Variants in L1CAM observed in about 807,000 individuals in gnomAD.
The protein encoded by L1CAM is L1 cell adhesion molecule.
Under a neutral mutation model 93.0 loss-of-function variants are expected in L1CAM, and 8 were observed. The observed-to-expected ratio is 0.09, with a 90% CI of 0.05 to 0.16. L1CAM has a LOEUF of 0.16. Among genes scored for constraint, L1CAM ranks in the 10% least tolerant of loss-of-function variants. The probability of loss-of-function intolerance (pLI) is 1.00; values close to 1 mark genes in which losing one functional copy is unlikely to be tolerated. For synonymous variants in L1CAM, 453 were observed against 453.0 expected (o/e 1.00, Z 0.00); for missense variants, 777 against 1,073.4 (o/e 0.72, Z 3.86).
rs1302080244 is a variant in L1CAM at position 153,870,620 on chromosome X, G to C, written c.695-121C>G. On this transcript the variant is annotated intron_variant, in intron 7 of 28. Coordinates refer to ENST00000370060, the MANE Select transcript of L1CAM (RefSeq NM_001278116.2). Reference sequence around the variant, plus strand: ...CCTCTGTGTCTTCCTCCATTAAGGAGAGTGTCCTGTCTCTGCTCTCGACGC... The same window carrying C: ...CCTCTGTGTCTTCCTCCATTAAGGACAGTGTCCTGTCTCTGCTCTCGACGC... 1.2e-5 allele frequency: 9 copies of C among 774,523 alleles called. No homozygotes were observed. The African/African-American group carries it at 1.9e-4, about 16-fold the overall frequency. 63.8% of individuals were successfully genotyped at this position (774,523 alleles called of 1,213,427 possible). A position where few individuals can be genotyped will look rare whatever the true frequency, so the allele number is the denominator to read the frequency against.
At chrX:153,880,709 A>C (rs1557095551) in intron 1 of L1CAM, 1 of 338,377 alleles carries the variant, frequency 3.0e-6, no homozygotes, top group South Asian at 2.6e-5. Flanking sequence ...ATGCAGCCCA[A>C]GTCCCAGAGG....
chrX:153,864,536 C>T (rs2064693878), intron 24 of L1CAM, 49 bp downstream of exon 24: 2 of 1,205,908 alleles, frequency 1.7e-6, no homozygotes, highest in Admixed American at 4.4e-5. Flanking sequence ...ACCCCTCTGG[C>T]CCAGAGCCCC....
In L1CAM at chrX:153,864,607, A is replaced by G; in HGVS notation, c.3144T>C (p.His1048=). The G allele has an allele frequency of 8.3e-7, 1 of 1,210,640 alleles. No homozygotes were observed. The highest frequency in any genetic ancestry group is 1.1e-6 in the Non-Finnish European group (1 of 894,850). The change falls in exon 24 of 29, where the codon CAT becomes CAC. Residue 1048 remains histidine, a synonymous_variant. Transcript: ENST00000370060. ...PKEGQCNFRF[H]ILFKALGEEK... ...TACCTCCCAAGGCTTTGAACAAGAT[A>G]TGGAACCTGAAGTTGCACTGGCCCT...
Position 153,865,830 on chromosome X carries a change from C to A in L1CAM, c.2432-11G>T, listed in dbSNP as rs2064708359. 3 of 1,141,198 alleles carry A rather than the reference C, an allele frequency of 2.6e-6. No homozygotes were observed. The East Asian group carries it at 8.9e-5, about 34-fold the overall frequency. The allele number at this position is 1,141,198 out of a possible 1,213,427, so 94.0% of individuals were successfully genotyped here. On this transcript the variant is annotated splice_polypyrimidine_tract_variant and intron_variant, in intron 19 of 28. Transcript: ENST00000370060. ...GGATTGCCTGGGGGTCTGGAAACCA[C>A]CAGTGACTTGGATAGAGCCATAGGC...
At chrX:153,885,243 T>G in intron 1 of L1CAM, 1 of 363,930 alleles carries the variant, frequency 2.7e-6, no homozygotes, top group Non-Finnish European at 5.0e-6. Context: ...CCTGAGCCAG[T>G]GAGGCCCACC....
Position 153,872,672 on chromosome X carries a change from T to C in L1CAM, c.117A>G (p.Glu39=), listed in dbSNP as rs1557093595. Residue 39 remains glutamate, a synonymous_variant, in exon 4 of 29, where the codon GAA becomes GAG. Transcript: ENST00000370060. ...HHVMEPPVIT[E]QSPRRLVVFP... is the part of the protein sequence containing the mutation. Reference sequence around the variant, plus strand: ...AGACAACCAGGCGCCGTGGAGACTGTTCCGTGATGACAGGTGGCTCCATCA... The same window carrying C: ...AGACAACCAGGCGCCGTGGAGACTGCTCCGTGATGACAGGTGGCTCCATCA... 1.7e-6 allele frequency: 2 copies of C among 1,209,756 alleles called. No individual in the cohort carries two copies. The highest frequency in any genetic ancestry group is 1.8e-5 in the South Asian group (1 of 56,887).
Position 153,866,493 on chromosome X carries a change from G to A in L1CAM, c.2431+156C>T, listed in dbSNP as rs144582607. Among the ~76,000 whole-genome samples the A allele has an allele frequency of 7.1e-4, 79 of 111,702 alleles. 2 individuals are homozygous for A. Among genetic ancestry groups the A allele is most frequent in the Non-Finnish European group, 2.3e-4 (12 of 53,128 alleles). On this transcript the variant is annotated intron_variant, in intron 19 of 28. Transcript: ENST00000370060. ...GAATACCGCTGCCAATTATAGAAATGTGAAGTGTGGGGAATTTCATAACGT... is the reference window on the plus strand; with the variant it reads ...GAATACCGCTGCCAATTATAGAAATATGAAGTGTGGGGAATTTCATAACGT...
intron 5 of L1CAM, 87 bp from the exon 6 acceptor site, chrX:153,871,266 G>GGC: frequency 2.0e-6 from 1 of 490,630 alleles, no homozygotes; most frequent in Non-Finnish European, 3.5e-6. Context: ...GGGGTGGCGG[G>GGC]CTACACCAGG....
intron 17 of L1CAM, 90 bp from the exon 18 acceptor site, chrX:153,867,214 G>A (rs1603274869): frequency 2.0e-6 from 2 of 991,897 alleles, no homozygotes; most frequent in East Asian, 6.1e-5. Flanking sequence ...GCTCATTCTG[G>A]CACCAAGGGA....
At chrX:153,877,533 A>C (rs1313008377) in intron 1 of L1CAM, among the ~76,000 whole-genome samples, 1 of 110,977 alleles carries the variant, frequency 9.0e-6, no homozygotes, top group Non-Finnish European at 1.9e-5. Flanking sequence ...AGGCTGAGGC[A>C]GGAGAATCTC....
At chrX:153,870,761 GGA>G in intron 7 of L1CAM, 27 bp downstream of exon 7, 1 of 1,191,573 alleles carries the variant, frequency 8.4e-7, no homozygotes, top group African/African-American at 1.7e-5. Context: ...AAGGAGTCAG[GGA>G]GAGAGTGCAG....
intron 1 of L1CAM, chrX:153,883,755 A>G (rs1004882152): frequency 1.2e-5 from 4 of 341,356 alleles, no homozygotes; most frequent in Non-Finnish European, 2.4e-5. Context: ...ACCTCCTCAC[A>G]GGACCCCACC....
rs782254209 is a variant in L1CAM, at chrX:153,869,639, C to T, written c.1148G>A (p.Arg383Gln). ...CAGGATCAGGGCGCCACGCTGAATC[C>T]GGTACTTCTGGTCTTTGGCCAGCTC... ...VEELAKDQKY[R>Q]IQRGALILSN... The change falls in exon 11 of 29, where the codon CGG (arginine) becomes CAG (glutamine). Residue 383 changes from arginine to glutamine, a missense_variant. By Grantham distance (43) the Arg-to-Gln change is conservative (BLOSUM62 1). Coordinates refer to ENST00000370060, the MANE Select transcript of L1CAM (RefSeq NM_001278116.2). 1.6e-5 allele frequency: 19 copies of T among 1,207,339 alleles called. No homozygotes were observed. Among genetic ancestry groups the T allele is most frequent in the Admixed American group, 2.2e-5 (1 of 45,456 alleles).
Position 153,862,520 on chromosome X carries a change from T to C in L1CAM, c.*143A>G, listed in dbSNP as rs138372951. ...AAGGGGTGCAGCTGGGTTTTGGCAA[T>C]AAAGTGGGGACCGGGTGGTAGGAAG... On this transcript the variant is annotated 3_prime_UTR_variant, in exon 29 of 29. Transcript: ENST00000370060. 601 of 473,703 alleles carry C rather than the reference T, an allele frequency of 1.3e-3. 3 individuals are homozygous for C. Among genetic ancestry groups the C allele is most frequent in the African/African-American group, 0.013 (514 of 41,097 alleles). The allele number at this position is 473,703 out of a possible 1,213,427, so 39.0% of individuals were successfully genotyped here.
At position 153,863,597 on chromosome X, in the gene L1CAM, C is replaced by T. The variant is rs200396267; in HGVS notation, c.3458-48G>A. The T allele has an allele frequency of 1.5e-5, 17 of 1,105,733 alleles. No individual in the cohort carries two copies. The South Asian group carries it at 1.7e-4, about 11-fold the overall frequency. 91.1% of individuals were successfully genotyped at this position (1,105,733 alleles called of 1,213,427 possible). A position where few individuals can be genotyped will look rare whatever the true frequency, so the allele number is the denominator to read the frequency against. On this transcript the variant is annotated intron_variant, in intron 26 of 28. Transcript: ENST00000370060. ...CTTCTTCTCCCGCCCCAGCCTGACC[C>T]GGGGCTCCAGGCCCCTCTACGCCCC... is the stretch of plus-strand genomic sequence containing the variant.
rs781858962 is a variant in L1CAM at position 153,862,855 on chromosome X, C to T, written c.3582G>A (p.Ser1194=). 5.0e-6 allele frequency: 6 copies of T among 1,212,072 alleles called. No individual in the cohort carries two copies. The South Asian group carries it at 7.0e-5, about 14-fold the overall frequency. Residue 1194 remains serine (S), a synonymous_variant, in exon 29 of 29, where the codon TCG becomes TCA. Coordinates refer to ENST00000370060, the MANE Select transcript of L1CAM (RefSeq NM_001278116.2). Reference sequence around the variant, plus strand: ...CCAGGGGCTTGATGTCCCCGTTGAGCGATGGCTGGCTGCTGCCAAAGGCCT... The same window carrying T: ...CCAGGGGCTTGATGTCCCCGTTGAGTGATGGCTGGCTGCTGCCAAAGGCCT... ...EEKAFGSSQP[S]LNGDIKPLGS... is the part of the protein sequence containing the mutation.
intron 1 of L1CAM, among the ~76,000 whole-genome samples, chrX:153,882,057 T>C (rs1260403612): frequency 9.3e-6 from 1 of 107,932 alleles, no homozygotes; most frequent in Non-Finnish European, 1.9e-5. Flanking sequence ...ACAGCAGTCC[T>C]GGGATACCTA....
At chrX:153,876,072 G>A in intron 1 of L1CAM, 128 bp from the exon 2 acceptor site, 1 of 439,910 alleles carries the variant, frequency 2.3e-6, no homozygotes, top group South Asian at 3.3e-5. Context: ...CCAGCTGGCC[G>A]GCTTCTCCAG....
intron 3 of L1CAM, 56 bp from the exon 4 acceptor site, chrX:153,872,753 C>T: frequency 1.0e-6 from 1 of 969,382 alleles, no homozygotes; most frequent in East Asian, 3.1e-5. Flanking sequence ...GGTGTCATAG[C>T]CTCAGCACCT....
Sources: gnomAD v4.1 joint callset for allele counts (sites outside exome capture counted in the v4.1 genomes callset) on GRCh38, gnomAD v4.1.1 for gene constraint, MANE v1.5 for transcripts, NCBI Gene and HGNC (gene_info 2026-07-23, HGNC 2026-07-21) for gene names.